PCDHGA2: variants seen among roughly 807,000 people sequenced by gnomAD.
The protein encoded by PCDHGA2 is protocadherin gamma subfamily A, 2, also known as protocadherin gamma-A2.
Under a neutral mutation model 59.2 loss-of-function variants are expected in PCDHGA2, and 40 were observed. The ratio of observed to expected loss-of-function variants is 0.68; its 90% CI spans 0.52 to 0.88. The LOEUF (loss-of-function observed/expected upper bound fraction) is 0.88. Among genes scored for constraint, PCDHGA2 ranks in the 40% least tolerant of loss-of-function variants. PCDHGA2 has a pLI of 0.00. For missense variants in PCDHGA2, 1,226 were observed against 1,204.0 expected (o/e 1.02, Z -0.27); for synonymous variants, 560 against 526.0 (o/e 1.06, Z -0.89).
intron 1 of PCDHGA2, chr5:141,394,160 T>G (rs749389529): frequency 1.7e-5 from 27 of 1,613,534 alleles, no homozygotes; most frequent in Non-Finnish European, 2.3e-5. Flanking sequence ...ACGACAACCC[T>G]CCTACTTTCC....
At chr5:141,506,829 T>C (rs1449718553) in intron 3 of PCDHGA2, among the ~76,000 whole-genome samples, 1 of 152,182 alleles carries the variant, frequency 6.6e-6, no homozygotes, top group African/African-American at 2.4e-5. Context: ...CATGAACTGA[T>C]AGCCCTGCCC....
intron 1 of PCDHGA2, among the ~76,000 whole-genome samples, chr5:141,452,542 C>T (rs2098743637): frequency 6.6e-6 from 1 of 152,180 alleles, no homozygotes; most frequent in Admixed American, 6.6e-5. Flanking sequence ...CATATTGATA[C>T]CTCCAGTTCT....
At position 141,490,171 on chromosome 5, in the gene PCDHGA2, G is replaced by A. The variant is rs374421995; in HGVS notation, c.2425-4636G>A. 4 of 1,614,100 alleles carry A rather than the reference G, an allele frequency of 2.5e-6. No individual in the cohort carries two copies. The highest frequency in any genetic ancestry group is 3.4e-6 in the Non-Finnish European group (4 of 1,180,034). On this transcript the variant is annotated intron_variant, in intron 1 of 3. Coordinates refer to ENST00000394576, the MANE Select transcript of PCDHGA2 (RefSeq NM_018915.4). The surrounding 1 kb of genome is among the most constrained non-coding windows in gnomAD (Gnocchi z 5.4). ...CCATGTGTTGGGTCCCATAGACTTT[G>A]AGGAGTCACGTTTCTATGAAATTCA...
intron 1 of PCDHGA2, chr5:141,366,640 T>C (rs965483539): frequency 6.2e-7 from 1 of 1,614,186 alleles, no homozygotes; most frequent in Non-Finnish European, 8.5e-7. Context: ...ACCTGATCTT[T>C]CCCCAGCCCA....
intron 1 of PCDHGA2, chr5:141,393,902 G>C: frequency 6.2e-7 from 1 of 1,613,968 alleles, no homozygotes; most frequent in Non-Finnish European, 8.5e-7. Flanking sequence ...CTCTTCCCGG[G>C]ACAGTAATTG....
At chr5:141,388,875 G>C in intron 1 of PCDHGA2, 1 of 1,614,024 alleles carries the variant, frequency 6.2e-7, no homozygotes, top group Non-Finnish European at 8.5e-7. Context: ...GCAATGCACA[G>C]TGGAGGTAGA....
intron 1 of PCDHGA2, among the ~76,000 whole-genome samples, chr5:141,449,422 C>A (rs1041930577): frequency 4.0e-5 from 6 of 151,724 alleles, no homozygotes; most frequent in Non-Finnish European, 7.4e-5. Flanking sequence ...GCCTGGCCAA[C>A]ATGATAAAAC....
chr5:141,412,219 C>T (rs549742411), intron 1 of PCDHGA2: 1 of 152,334 alleles, frequency 6.6e-6, no homozygotes, highest in African/African-American at 2.4e-5. Context: ...TAAACACTTA[C>T]TTGTTAAAAA....
chr5:141,341,237 G>C lies in PCDHGA2; in HGVS notation c.2266G>C (p.Glu756Gln). Residue 756 changes from glutamate to glutamine, a missense_variant, in exon 1 of 4, where the codon GAG becomes CAG. Transcript: ENST00000394576. Reference sequence around the variant, plus strand: ...GGCTTTCCTGCAGACCTATTCCCACGAGGTCTCCCTCACTGCGGACTCGCG... The same window carrying C: ...GGCTTTCCTGCAGACCTATTCCCACCAGGTCTCCCTCACTGCGGACTCGCG... ...VRAFLQTYSH[E>Q]VSLTADSRKS... 1.2e-6 allele frequency: 2 copies of C among 1,614,178 alleles called. No homozygotes were observed. The highest frequency in any genetic ancestry group is 1.7e-6 in the Non-Finnish European group (2 of 1,180,026).
At chr5:141,384,778 C>T (rs1206898496) in intron 1 of PCDHGA2, 6 of 1,613,608 alleles carry the variant, frequency 3.7e-6, no homozygotes, top group East Asian at 2.2e-5. Flanking sequence ...GGGCGAGGTG[C>T]GCACGGCTCG....
At chr5:141,351,377 G>A (rs766622647) in intron 1 of PCDHGA2, 10 of 1,612,344 alleles carry the variant, frequency 6.2e-6, no homozygotes, top group Non-Finnish European at 8.5e-6. Flanking sequence ...CAAGGATTCT[G>A]GGCAAAATGG....
chr5:141,502,514 T>A (rs2099814743), intron 2 of PCDHGA2, among the ~76,000 whole-genome samples: 1 of 152,202 alleles, frequency 6.6e-6, no homozygotes, highest in African/African-American at 2.4e-5. Flanking sequence ...TGTCCCACTA[T>A]CAGTGATGCC....
chr5:141,505,072 G>A (rs1374916789), intron 2 of PCDHGA2, among the ~76,000 whole-genome samples: 1 of 152,228 alleles, frequency 6.6e-6, no homozygotes. Context: ...TGAGGCAGGA[G>A]AATCGCTTGA....
At chr5:141,421,320 G>T (rs1561793188) in intron 1 of PCDHGA2, 2 of 1,613,786 alleles carry the variant, frequency 1.2e-6, no homozygotes, top group Non-Finnish European at 1.7e-6. Flanking sequence ...GGGCCAGGCA[G>T]ATCCGATATT....
intron 1 of PCDHGA2, chr5:141,410,024 G>A (rs771946302): frequency 1.9e-6 from 3 of 1,613,164 alleles, no homozygotes; most frequent in South Asian, 1.1e-5. Context: ...GTCCTACCAC[G>A]TGCTGCAGGC....
In PCDHGA2 at chr5:141,489,993, C is replaced by T. The variant is rs1413894892; in HGVS notation, c.2425-4814C>T. 18 of 1,614,186 alleles carry T rather than the reference C, an allele frequency of 1.1e-5. No individual in the cohort carries two copies. The highest frequency in any genetic ancestry group is 1.5e-5 in the Non-Finnish European group (18 of 1,179,990). On this transcript the variant is annotated intron_variant, in intron 1 of 3. Transcript: ENST00000394576. The surrounding 1 kb of genome is among the most constrained non-coding windows in gnomAD (Gnocchi z 4.5). ...AATCCTCAGTTCTACGTGTGGGAAT[C>T]CCAGAGAATGCACCCATTGGTACTC...
intron 1 of PCDHGA2, among the ~76,000 whole-genome samples, chr5:141,347,137 C>CTCTTTCTTTCTTCCTT (rs1757891658): frequency 8.8e-6 from 1 of 113,744 alleles, no homozygotes; most frequent in Non-Finnish European, 1.7e-5. Context: ...CTCTGTTTCT[C>CTCTTTCTTTCTTCCTT]TCTTTCTTTC....
chr5:141,507,716 C>T (rs567867232), intron 3 of PCDHGA2, among the ~76,000 whole-genome samples: 1 of 152,372 alleles, frequency 6.6e-6, no homozygotes, highest in South Asian at 2.1e-4. Flanking sequence ...CCCAAACCCT[C>T]CAAGCAAGTC....
At chr5:141,375,902 C>T (rs890373642) in intron 1 of PCDHGA2, 5 of 1,613,666 alleles carry the variant, frequency 3.1e-6, no homozygotes, top group African/African-American at 1.3e-5. Context: ...GCTGTCCTAC[C>T]GCCTGCTCAA....
Sources: allele counts gnomAD v4.1 joint callset (sites outside exome capture counted in the v4.1 genomes callset), GRCh38; gene constraint gnomAD v4.1.1; non-coding constraint Gnocchi (gnomAD v3.1); transcripts MANE v1.5; gene names NCBI Gene and HGNC (gene_info 2026-07-23, HGNC 2026-07-21).